Variants in ZNF214 observed in about 807,000 individuals in gnomAD.
ZNF214 encodes the protein BWSCR2-associated zinc finger protein 1.
Under a neutral mutation model 53.9 loss-of-function variants are expected in ZNF214, and 43 were observed. That is an observed-to-expected ratio of 0.80 (90% confidence interval 0.63 to 1.03). ZNF214 has a LOEUF of 1.03. ZNF214 is among the 50% of genes least tolerant of loss of function. The probability of loss-of-function intolerance (pLI) is 0.00; values close to 1 mark genes in which losing one functional copy is unlikely to be tolerated. For missense variants in ZNF214, 724 were observed against 719.1 expected (o/e 1.01, Z -0.08); for synonymous variants, 217 against 229.5 (o/e 0.95, Z 0.49).
At chr11:7,007,537 G>A (rs924477076) in intron 1 of ZNF214, among the ~76,000 whole-genome samples, 4 of 151,560 alleles carry the variant, frequency 2.6e-5, no homozygotes, top group African/African-American at 9.7e-5. Flanking sequence ...AATACCATAA[G>A]GGACAAAAAT....
intron 1 of ZNF214, among the ~76,000 whole-genome samples, chr11:7,008,941 TAAAC>T (rs766829854): frequency 2.0e-5 from 3 of 151,840 alleles, no homozygotes; most frequent in Non-Finnish European, 2.9e-5. Context: ...AGAGATGACA[TAAAC>T]AAATGGAAAA....
At position 7,012,716 on chromosome 11, in the gene ZNF214, C is replaced by T. The variant is rs145941392; in HGVS notation, c.-21+7357G>A. On this transcript the variant is annotated intron_variant, in intron 1 of 2. Coordinates refer to ENST00000278314, the MANE Select transcript of ZNF214 (RefSeq NM_013249.4). The stretch of plus-strand genomic sequence containing the variant: ...TTGATGCTATGAAATTATCCCAAGG[C>T]ATCAAAAACTGTTCAAGGCATCAGA... 4.1e-4 allele frequency among the ~76,000 whole-genome samples: 62 copies of T among 152,212 alleles called. No individual in the cohort carries two copies. In the East Asian group the frequency reaches 0.011, roughly 27 times the overall value.
rs1851259402 is a variant in ZNF214 at position 6,999,280 on chromosome 11, A to G, written c.*582T>C. 1 of 152,352 alleles carries G rather than the reference A, an allele frequency of 6.6e-6. No homozygotes were observed. The highest frequency in any genetic ancestry group is 2.4e-5 in the African/African-American group (1 of 41,412). 9.4% of individuals were successfully genotyped at this position (152,352 alleles called of 1,614,324 possible). A position where few individuals can be genotyped will look rare whatever the true frequency, so the allele number is the denominator to read the frequency against. On this transcript the variant is annotated 3_prime_UTR_variant, in exon 3 of 3. Coordinates refer to ENST00000278314, the MANE Select transcript of ZNF214 (RefSeq NM_013249.4). The stretch of plus-strand genomic sequence containing the variant: ...CCTGGGTTTTCTGGTTGACAGAGAT[A>G]ACAACTCAGATACACTGTCTCAGAC...
intron 1 of ZNF214, among the ~76,000 whole-genome samples, chr11:7,013,116 C>T (rs1589844108): frequency 6.6e-6 from 1 of 152,238 alleles, no homozygotes; most frequent in East Asian, 1.9e-4. Flanking sequence ...GGCTATCTGT[C>T]AGCATGGTGC....
At position 7,020,091 on chromosome 11, in the gene ZNF214, T is replaced by A. The variant is rs1340984002; in HGVS notation, c.-39A>T. 6.6e-6 allele frequency: 1 copy of A among 152,112 alleles called. No homozygotes were observed. The highest frequency in any genetic ancestry group is 2.4e-5 in the African/African-American group (1 of 41,358). The allele number at this position is 152,112 out of a possible 1,614,324, so 9.4% of individuals were successfully genotyped here. On this transcript the variant is annotated 5_prime_UTR_variant, in exon 1 of 3. Coordinates refer to ENST00000278314, the MANE Select transcript of ZNF214 (RefSeq NM_013249.4). ...TACTTGCCTTTATTAAGTCTTAACG[T>A]GGGAGAGAAGCCGTGATGTACCCAT...
At chr11:7,017,738 CAA>C (rs147893206) in intron 1 of ZNF214, among the ~76,000 whole-genome samples, 2 of 137,092 alleles carry the variant, frequency 1.5e-5, no homozygotes, top group Non-Finnish European at 3.1e-5. Context: ...GACTCCGTCT[CAA>C]AAAAAAAAAA....
Position 7,000,048 on chromosome 11 carries a change from C to G in ZNF214, c.1635G>C (p.Gln545His). 1.9e-6 allele frequency: 3 copies of G among 1,613,346 alleles called. No homozygotes were observed. The highest frequency in any genetic ancestry group is 2.5e-6 in the Non-Finnish European group (3 of 1,179,568). The change falls in exon 3 of 3, where the codon CAG becomes CAC. Residue 545 changes from glutamine (Q) to histidine (H), a missense_variant. By Grantham distance (24) the Gln-to-His change is conservative. Transcript: ENST00000278314. ...AAGGCTTCTCTCCTGTATGGACCCT[C>G]TGATGAATGTGAAGATTAGAACTGT... Reference protein sequence around the residue: ...FSHSSNLHIHQRVHTGEKPYQ... With the variant: ...FSHSSNLHIHHRVHTGEKPYQ...
Position 7,001,075 on chromosome 11 carries a change from AC to A in ZNF214, c.607del (p.Val203Ter), listed in dbSNP as rs765707687. ...VEEALPQYVG[V>X]ICQEDLLRDS... ...TCTCAGTAGGTCTTCTTGACATATC[AC>A]CCCAACATACTGTGGAAGGGCTTCC... On this transcript the variant is annotated frameshift_variant, in exon 3 of 3. Transcript: ENST00000278314. LOFTEE classifies it high-confidence loss of function. The A allele has an allele frequency of 6.2e-7, 1 of 1,613,218 alleles. No individual in the cohort carries two copies. The highest frequency in any genetic ancestry group is 2.2e-5 in the East Asian group (1 of 44,844).
rs1237171834 is a variant in ZNF214 at position 6,999,688 on chromosome 11, G to GT, written c.*173dup. On this transcript the variant is annotated 3_prime_UTR_variant, in exon 3 of 3. Transcript: ENST00000278314. ...TACACTATAATTTTAAATATATAGG[G>GT]TTTTTTCTAAAGATCTCCTTTTGAA... 1.5e-5 allele frequency: 9 copies of GT among 608,246 alleles called. No individual in the cohort carries two copies. The highest frequency in any genetic ancestry group is 3.4e-5 in the Admixed American group (1 of 29,478). The allele number at this position is 608,246 out of a possible 1,614,324, so 37.7% of individuals were successfully genotyped here. A position where few individuals can be genotyped will look rare whatever the true frequency, so the allele number is the denominator to read the frequency against.
chr11:7,017,891 T>C (rs1000537133), intron 1 of ZNF214, among the ~76,000 whole-genome samples: 1 of 152,224 alleles, frequency 6.6e-6, no homozygotes, highest in Non-Finnish European at 1.5e-5. Flanking sequence ...TATTCATACA[T>C]TGAATAAATA....
chr11:7,000,715 CTT>C lies in ZNF214; in HGVS notation c.966_967del (p.Arg323SerfsTer9), dbSNP rs768352740. The C allele has an allele frequency of 3.7e-6, 6 of 1,609,878 alleles. No individual in the cohort carries two copies. Among genetic ancestry groups the C allele is most frequent in the Admixed American group, 3.4e-5 (2 of 59,614 alleles). The stretch of plus-strand genomic sequence containing the variant: ...ATAGAATTTCTCTTCTGTGTGGACT[CTT>C]TGATGATTGTGAAGACTAGAGATCT... On this transcript the variant is annotated frameshift_variant, in exon 3 of 3. Coordinates refer to ENST00000278314, the MANE Select transcript of ZNF214 (RefSeq NM_013249.4). LOFTEE classifies it high-confidence loss of function.
chr11:7,000,504 C>T lies in ZNF214; in HGVS notation c.1179G>A (p.Lys393=), dbSNP rs1331415127. The part of the protein sequence containing the change: ...EKPYKCDECG[K]GFSQSSNLRI... The stretch of plus-strand genomic sequence containing the variant: ...GAAGATTTGAGCTCTGGCTGAAACC[C>T]TTACCACACTCATCACACTTATATG... The change falls in exon 3 of 3, where the codon AAG becomes AAA. Residue 393 remains lysine, a synonymous_variant. Coordinates refer to ENST00000278314, the MANE Select transcript of ZNF214 (RefSeq NM_013249.4). 4 of 1,612,652 alleles carry T rather than the reference C, an allele frequency of 2.5e-6. No individual in the cohort carries two copies. The highest frequency in any genetic ancestry group is 1.1e-5 in the South Asian group (1 of 90,932).
intron 2 of ZNF214, 26 bp downstream of exon 2, chr11:7,002,683 T>C (rs775252324): frequency 1.5e-5 from 23 of 1,558,910 alleles, no homozygotes; most frequent in Non-Finnish European, 1.4e-5. Context: ...AGAAACTCTA[T>C]TCCCTATGAG....
intron 1 of ZNF214, among the ~76,000 whole-genome samples, chr11:7,011,322 T>A (rs1478806626): frequency 6.6e-6 from 1 of 151,994 alleles, no homozygotes; most frequent in Non-Finnish European, 1.5e-5. Flanking sequence ...AATATATGCA[T>A]CATGATCAGA....
chr11:7,006,569 T>C (rs1802638133), intron 1 of ZNF214, among the ~76,000 whole-genome samples: 1 of 152,082 alleles, frequency 6.6e-6, no homozygotes, highest in Non-Finnish European at 1.5e-5. Context: ...TTGAACATTA[T>C]TGACCTTTTA....
chr11:7,018,917 G>T (rs1436409621), intron 1 of ZNF214, among the ~76,000 whole-genome samples: 1 of 152,176 alleles, frequency 6.6e-6, no homozygotes, highest in African/African-American at 2.4e-5. Context: ...CTGGGTTGGG[G>T]CAGGGTCAAG....
intron 1 of ZNF214, among the ~76,000 whole-genome samples, chr11:7,007,092 G>GAGA (rs1397863496): frequency 3.3e-5 from 5 of 151,782 alleles, no homozygotes; most frequent in Admixed American, 6.6e-5. Context: ...AACATGAGGG[G>GAGA]AGAAAGAGAC....
intron 1 of ZNF214, among the ~76,000 whole-genome samples, chr11:7,010,718 G>A (rs1851588512): frequency 6.7e-6 from 1 of 149,600 alleles, no homozygotes; most frequent in Admixed American, 6.7e-5. Context: ...AAATGATTGA[G>A]AAAATGCATA....
intron 1 of ZNF214, chr11:7,019,841 A>G (rs376424781): frequency 3.8e-4 from 58 of 152,298 alleles, no homozygotes; most frequent in African/African-American, 1.4e-3. Context: ...GGCTCCCCCA[A>G]CGCGTCACGG....
Sources: allele counts gnomAD v4.1 joint callset (sites outside exome capture counted in the v4.1 genomes callset), GRCh38; gene constraint gnomAD v4.1.1; transcripts MANE v1.5; gene names NCBI Gene and HGNC (gene_info 2026-07-23, HGNC 2026-07-21).